METAP1D: variants seen among roughly 807,000 people sequenced by gnomAD.
The protein encoded by METAP1D is methionyl aminopeptidase type 1D, mitochondrial.
METAP1D carries 31 observed loss-of-function variants against 40.5 expected under a neutral mutation model. The ratio of observed to expected loss-of-function variants is 0.77; its 90% CI spans 0.58 to 1.03. The LOEUF is 1.03. Among genes scored for constraint, METAP1D ranks in the 50% least tolerant of loss-of-function variants. The pLI, the probability that METAP1D is intolerant of heterozygous loss-of-function variation, is 0.00. For synonymous variants in METAP1D, 151 were observed against 146.4 expected (o/e 1.03, Z -0.22); for missense variants, 411 against 420.7 (o/e 0.98, Z 0.20).
At chr2:172,058,350 G>C (rs533423737) in intron 1 of METAP1D, among the ~76,000 whole-genome samples, 27 of 152,268 alleles carry the variant, frequency 1.8e-4, no homozygotes, top group African/African-American at 6.5e-4. Context: ...GAAGAAACTT[G>C]TGCAGGGCCA....
chr2:172,023,169 C>G (rs1283103917), intron 1 of METAP1D, among the ~76,000 whole-genome samples: 2 of 152,026 alleles, frequency 1.3e-5, no homozygotes, highest in Non-Finnish European at 2.9e-5. Flanking sequence ...GCCTGGGCAA[C>G]AAAAGCAAAA....
intron 1 of METAP1D, among the ~76,000 whole-genome samples, chr2:172,010,025 G>T (rs1189736944): frequency 6.6e-6 from 1 of 152,108 alleles, no homozygotes; most frequent in African/African-American, 2.4e-5. Context: ...AAGTATCAGT[G>T]AATTTGGCCA....
At chr2:172,064,129 C>T in intron 3 of METAP1D, 1 of 298,334 alleles carries the variant, frequency 3.4e-6, no homozygotes, top group East Asian at 7.6e-5. Context: ...TCTCAGTCAA[C>T]CTATCCAAGT....
chr2:172,028,098 C>G (rs972712861), intron 1 of METAP1D, among the ~76,000 whole-genome samples: 1 of 152,148 alleles, frequency 6.6e-6, no homozygotes, highest in Non-Finnish European at 1.5e-5. Flanking sequence ...AACATGATAA[C>G]TTCAAAATGA....
chr2:172,061,773 T>A, intron 2 of METAP1D, 118 bp downstream of exon 2: 1 of 886,252 alleles, frequency 1.1e-6, no homozygotes, highest in Non-Finnish European at 1.6e-6. Flanking sequence ...ATTTTCAAAC[T>A]AGGTTTGTGA....
At chr2:172,032,853 G>T (rs1246875604) in intron 1 of METAP1D, among the ~76,000 whole-genome samples, 2 of 152,132 alleles carry the variant, frequency 1.3e-5, no homozygotes, top group African/African-American at 4.8e-5. Context: ...ACGAGGTCAG[G>T]CGATGGAGAC....
At chr2:172,073,485 G>A (rs1412435976) in intron 6 of METAP1D, among the ~76,000 whole-genome samples, 5 of 152,086 alleles carry the variant, frequency 3.3e-5, no homozygotes, top group Non-Finnish European at 4.4e-5. Context: ...GAATTTGCAT[G>A]TACAAGCTTT....
intron 1 of METAP1D, among the ~76,000 whole-genome samples, chr2:172,044,258 C>T (rs1689680363): frequency 7.6e-6 from 1 of 132,306 alleles, no homozygotes; most frequent in African/African-American, 2.5e-5. Context: ...TCACAGAATA[C>T]TCTTAAAAAT....
chr2:172,040,746 CTT>C (rs782267064), intron 1 of METAP1D, among the ~76,000 whole-genome samples: 43 of 117,218 alleles, frequency 3.7e-4, no homozygotes, highest in African/African-American at 1.2e-3. Flanking sequence ...TTCAGGCCCT[CTT>C]TTTTTTTTTT....
chr2:172,037,737 C>T (rs1689429072), intron 1 of METAP1D, among the ~76,000 whole-genome samples: 1 of 152,192 alleles, frequency 6.6e-6, no homozygotes, highest in African/African-American at 2.4e-5. Flanking sequence ...ATCTAGACCT[C>T]CTACCCCGTT....
At chr2:172,030,517 A>C (rs1689218477) in intron 1 of METAP1D, among the ~76,000 whole-genome samples, 1 of 152,208 alleles carries the variant, frequency 6.6e-6, no homozygotes, top group Admixed American at 6.5e-5. Context: ...GGATATTCTA[A>C]ACAAAATCTC....
rs1489687539 is a variant in METAP1D at position 172,007,886 on chromosome 2, C to G, written c.40+7877C>G. Among the ~76,000 whole-genome samples the G allele has an allele frequency of 3.3e-5, 5 of 152,062 alleles. No homozygotes were observed. In the South Asian group the frequency reaches 1.0e-3, roughly 32 times the overall value. On this transcript the variant is annotated intron_variant, in intron 1 of 9. Transcript: ENST00000315796. ...TGTATTTTTAGTAGAGACGGGGTTT[C>G]ACCATGTTGGCCAGGCTGGTCTCCA...
intron 1 of METAP1D, among the ~76,000 whole-genome samples, chr2:172,014,890 A>C (rs992990589): frequency 2.6e-5 from 4 of 151,036 alleles, no homozygotes; most frequent in Non-Finnish European, 5.9e-5. Context: ...CTGACCTTGT[A>C]ATCCGCCCAC....
At position 172,043,594 on chromosome 2, in the gene METAP1D, T is replaced by G; in HGVS notation, c.41-17904T>G. The stretch of plus-strand genomic sequence containing the variant: ...AAGTACGTTTAATGTTTTACAAAAA[T>G]TATTTTATTTATATTTAATAGCATT... On this transcript the variant is annotated intron_variant, in intron 1 of 9. Coordinates refer to ENST00000315796, the MANE Select transcript of METAP1D (RefSeq NM_199227.3). Among the ~76,000 whole-genome samples, 2 of 134,914 alleles carry G rather than the reference T, an allele frequency of 1.5e-5. 1 individual carries two copies. Among genetic ancestry groups the G allele is most frequent in the Admixed American group, 1.5e-4 (2 of 13,552 alleles). 88.5% of individuals were successfully genotyped at this position (134,914 alleles called of 152,430 possible).
chr2:172,005,109 T>C (rs1250686735), intron 1 of METAP1D, among the ~76,000 whole-genome samples: 1 of 152,130 alleles, frequency 6.6e-6, no homozygotes, highest in Non-Finnish European at 1.5e-5. Context: ...AAAGACAGGT[T>C]ATCATCATGC....
chr2:172,040,050 C>T lies in METAP1D; in HGVS notation c.41-21448C>T, dbSNP rs187337923. 7.3e-5 allele frequency among the ~76,000 whole-genome samples: 11 copies of T among 151,228 alleles called. 1 individual carries two copies. The highest frequency in any genetic ancestry group is 2.1e-4 in the South Asian group (1 of 4,790). On this transcript the variant is annotated intron_variant, in intron 1 of 9. Transcript: ENST00000315796. ...CCCAGGCTGGAGTGCAACTGCCTGCCGGGTTCAAGCGATTCTTCTGCCTCA... is the reference window on the plus strand; with the variant it reads ...CCCAGGCTGGAGTGCAACTGCCTGCTGGGTTCAAGCGATTCTTCTGCCTCA...
At chr2:172,042,221 G>A (rs1213409971) in intron 1 of METAP1D, among the ~76,000 whole-genome samples, 1 of 18,882 alleles carries the variant, frequency 5.3e-5, no homozygotes, top group Non-Finnish European at 3.3e-4. Flanking sequence ...ATGTGTACAT[G>A]TGTACACATA....
chr2:172,004,617 G>A (rs1441204113), intron 1 of METAP1D, among the ~76,000 whole-genome samples: 2 of 152,016 alleles, frequency 1.3e-5, no homozygotes, highest in African/African-American at 2.4e-5. Context: ...GAGCCACCAC[G>A]CCCAGCCGCC....
chr2:172,080,326 A>G lies in METAP1D; in HGVS notation c.930-2A>G. Reference sequence around the variant, plus strand: ...TTCTGACGGCTGGGTGCTGTGTTACAGGTCGGCGCAGTTCGAGCACACGGT... The same window carrying G: ...TTCTGACGGCTGGGTGCTGTGTTACGGGTCGGCGCAGTTCGAGCACACGGT... On this transcript the variant is annotated splice_acceptor_variant, in intron 9 of 9. Coordinates refer to ENST00000315796, the MANE Select transcript of METAP1D (RefSeq NM_199227.3). LOFTEE classifies it high-confidence loss of function. 6.2e-7 allele frequency: 1 copy of G among 1,614,090 alleles called. No homozygotes were observed.
Sources: allele counts gnomAD v4.1 joint callset (sites outside exome capture counted in the v4.1 genomes callset), GRCh38; gene constraint gnomAD v4.1.1; transcripts MANE v1.5; gene names NCBI Gene and HGNC (gene_info 2026-07-23, HGNC 2026-07-21).